The following C4orf50 variants were observed in gnomAD, a reference collection of about 807,000 sequenced individuals.
C4orf50 encodes chromosome 4 open reading frame 50.
C4orf50 carries 80 observed loss-of-function variants against 77.2 expected under a neutral mutation model. The observed-to-expected ratio is 1.04, with a 90% confidence interval of 0.87 to 1.25. C4orf50 has a LOEUF of 1.25. C4orf50 is among the 50% of genes most tolerant of loss of function. The pLI is 0.00. For synonymous variants in C4orf50, 532 were observed against 465.3 expected (o/e 1.14, Z -1.84); for missense variants, 1,257 against 1,152.9 (o/e 1.09, Z -1.31).
chr4:5,967,684 C>CA (rs1553916644), intron 31 of C4orf50, among the ~76,000 whole-genome samples: 2 of 151,606 alleles, frequency 1.3e-5, no homozygotes, highest in Non-Finnish European at 1.5e-5. Context: ...AACATGGGCA[C>CA]AAAAAAACGA....
rs528053101 is a variant in C4orf50, at chr4:5,908,581, A to T, written c.*2475-10393T>A. 3.9e-4 allele frequency among the ~76,000 whole-genome samples: 59 copies of T among 152,044 alleles called. No individual in the cohort carries two copies. Among genetic ancestry groups the T allele is most frequent in the Non-Finnish European group, 7.4e-4 (50 of 68,004 alleles). Reference sequence around the variant, plus strand: ...ACGACCATGCGATGGGGAGGGGGGAAAGCCCTGGGGTATCAGAAAATGAGG... The same window carrying T: ...ACGACCATGCGATGGGGAGGGGGGATAGCCCTGGGGTATCAGAAAATGAGG... On this transcript the variant is annotated intron_variant, in intron 7 of 7. Coordinates refer to the C4orf50 transcript ENST00000324058. This position sits in a 1 kb window ranked among gnomAD's most constrained non-coding sequence, Gnocchi z 5.6.
intron 33 of C4orf50, among the ~76,000 whole-genome samples, chr4:5,963,828 G>T (rs1423629864): frequency 6.6e-6 from 1 of 152,150 alleles, no homozygotes; most frequent in Non-Finnish European, 1.5e-5. Context: ...TGACAGTTAC[G>T]TGCAGGCAGA....
At chr4:5,928,750 A>G (rs1394507762) in intron 7 of C4orf50, among the ~76,000 whole-genome samples, 1 of 152,204 alleles carries the variant, frequency 6.6e-6, no homozygotes, top group Non-Finnish European at 1.5e-5. Context: ...GGAACCTCCA[A>G]ATGAACATGT....
At chr4:5,952,962 C>A (rs1718794231), downstream of C4orf50, among the ~76,000 whole-genome samples, 1 of 152,206 alleles carries the variant, frequency 6.6e-6, no homozygotes, top group African/African-American at 2.4e-5. The surrounding 1 kb of genome is among the most constrained non-coding windows in gnomAD (Gnocchi z 4.4). Context: ...CAAGGGACAG[C>A]CGAAGGGAAC....
At chr4:5,911,368 A>G (rs1445730913) in intron 7 of C4orf50, among the ~76,000 whole-genome samples, 2 of 152,094 alleles carry the variant, frequency 1.3e-5, no homozygotes, top group African/African-American at 2.4e-5. Context: ...TTCATGGACA[A>G]CTCCAACTAT....
At chr4:5,939,067 C>A (rs1404974146) in intron 7 of C4orf50, among the ~76,000 whole-genome samples, 1 of 152,104 alleles carries the variant, frequency 6.6e-6, no homozygotes, top group African/African-American at 2.4e-5. Context: ...CATGGTGAAA[C>A]CCCATCTCTA....
At chr4:5,946,581 C>T (rs908460124) in intron 7 of C4orf50, among the ~76,000 whole-genome samples, 3 of 152,176 alleles carry the variant, frequency 2.0e-5, no homozygotes, top group Non-Finnish European at 4.4e-5. Flanking sequence ...GCAGCCTATG[C>T]CCCTCCCTTA....
Position 6,002,118 on chromosome 4 carries a change from G to A in C4orf50, c.963+5878C>T, listed in dbSNP as rs1257858731. Among the ~76,000 whole-genome samples, 7 of 152,210 alleles carry A rather than the reference G, an allele frequency of 4.6e-5. No homozygotes were observed. The South Asian group carries it at 6.2e-4, about 14-fold the overall frequency. On this transcript the variant is annotated intron_variant, in intron 25 of 33. Coordinates refer to ENST00000531445, the Ensembl canonical transcript of C4orf50. ...TGCAGATGTGATCAAATTAAGGTGA[G>A]GCCATACTGGATTAGGCTGGGTCCT...
chr4:5,996,959 T>A (rs1436292645), intron 25 of C4orf50, among the ~76,000 whole-genome samples: 2 of 151,436 alleles, frequency 1.3e-5, no homozygotes, highest in African/African-American at 4.9e-5. Flanking sequence ...CTTAAAATCA[T>A]CATTGGAGTG....
chr4:5,980,433 T>C, intron 28 of C4orf50, 95 bp from the exon 7 acceptor site: 1 of 1,003,818 alleles, frequency 1.0e-6, no homozygotes, highest in Non-Finnish European at 1.3e-6. Context: ...ACTCCGTAGT[T>C]TTTTTTTTTG....
At chr4:5,920,215 A>T (rs1423399277) in intron 7 of C4orf50, among the ~76,000 whole-genome samples, 1 of 152,176 alleles carries the variant, frequency 6.6e-6, no homozygotes, top group African/African-American at 2.4e-5. Context: ...TTTCTTGCAT[A>T]GCAATTGGGA....
intron 7 of C4orf50, among the ~76,000 whole-genome samples, chr4:5,927,946 T>C (rs867577343): frequency 2.0e-5 from 3 of 152,142 alleles, no homozygotes; most frequent in African/African-American, 4.8e-5. Flanking sequence ...AGAACCCCCA[T>C]GTGCCCTGCC....
At position 5,994,068 on chromosome 4, in the gene C4orf50, C is replaced by T. The variant is rs547845844; in HGVS notation, c.1093+279G>A. Among the ~76,000 whole-genome samples the T allele has an allele frequency of 2.0e-5, 3 of 152,262 alleles. No individual in the cohort carries two copies. In the South Asian group the frequency reaches 6.2e-4, roughly 32 times the overall value. ...GCCAACCTGCTGGCCTATGAGGCCCCCTGGCTGGCACCCTCCCGAGGGCCA... is the reference window on the plus strand; with the variant it reads ...GCCAACCTGCTGGCCTATGAGGCCCTCTGGCTGGCACCCTCCCGAGGGCCA... On this transcript the variant is annotated intron_variant, in intron 26 of 33. Transcript: ENST00000531445.
Position 5,958,205 on chromosome 4 carries a change from ACT to A in C4orf50, c.*1168_*1169del, listed in dbSNP as rs1369269836. ...GGTGTGTGTCGTCCAAGCCCCCTAG[ACT>A]CTCTTTTTGGGGGGCTGCCCTCAGG... On this transcript the variant is annotated 3_prime_UTR_variant, in exon 34 of 34. Coordinates refer to ENST00000531445, the Ensembl canonical transcript of C4orf50. The surrounding 1 kb of genome is among the most constrained non-coding windows in gnomAD (Gnocchi z 5.4). 5 of 148,398 alleles carry A rather than the reference ACT, an allele frequency of 3.4e-5. No homozygotes were observed. The highest frequency in any genetic ancestry group is 4.4e-5 in the Non-Finnish European group (3 of 67,528). 9.2% of individuals were successfully genotyped at this position (148,398 alleles called of 1,614,324 possible). A position where few individuals can be genotyped will look rare whatever the true frequency, so the allele number is the denominator to read the frequency against.
chr4:5,944,626 C>A (rs905443148), intron 7 of C4orf50, among the ~76,000 whole-genome samples: 1 of 152,150 alleles, frequency 6.6e-6, no homozygotes, highest in African/African-American at 2.4e-5. Flanking sequence ...GCACCCCCCA[C>A]GCCTGGCCTG....
chr4:5,980,076 G>T (rs1577960324), intron 29 of C4orf50, 98 bp downstream of exon 7: 1 of 965,668 alleles, frequency 1.0e-6, no homozygotes, highest in Non-Finnish European at 1.5e-6. Context: ...CCAACTGGCT[G>T]GGTCAAGAAG....
At position 5,989,654 on chromosome 4, in the gene C4orf50, T is replaced by A. The variant is rs541805058; in HGVS notation, c.2392A>T (p.Arg798Trp). ...AGCTCATCGATTGTGAGTGCACACC[T>A]GTTGTGTCCTTTGCTCACAGCCTGT... The change falls in exon 28 of 34, where the codon AGG becomes TGG. Residue 798 changes from arginine to tryptophan, a missense_variant. By Grantham distance (101) the Arg-to-Trp change is moderately radical (BLOSUM62 -3). Coordinates refer to ENST00000531445, the Ensembl canonical transcript of C4orf50. 9 of 1,536,132 alleles carry A rather than the reference T, an allele frequency of 5.9e-6. No homozygotes were observed. In the South Asian group the frequency reaches 9.5e-5, roughly 16 times the overall value.
At chr4:5,959,577 G>T in exon 34 of C4orf50, 1 of 1,614,102 alleles carries the variant, frequency 6.2e-7, no homozygotes, top group Non-Finnish European at 8.5e-7. Context: ...CACAGTGACC[G>T]CTGCCAGGCA....
At chr4:5,910,639 T>C (rs530767805) in intron 7 of C4orf50, among the ~76,000 whole-genome samples, 1 of 152,152 alleles carries the variant, frequency 6.6e-6, no homozygotes, top group East Asian at 1.9e-4. Context: ...GAGCTTGGAG[T>C]GGCCTCCCCA....
Sources: allele counts gnomAD v4.1 joint callset (sites outside exome capture counted in the v4.1 genomes callset), GRCh38; gene constraint gnomAD v4.1.1; non-coding constraint Gnocchi (gnomAD v3.1); transcripts MANE v1.5; gene names NCBI Gene and HGNC (gene_info 2026-07-23, HGNC 2026-07-21).